The following C3orf70 variants were observed in gnomAD, a reference collection of about 807,000 sequenced individuals.
C3orf70 encodes the protein chromosome 3 open reading frame 70.
Under a neutral mutation model 20.7 loss-of-function variants are expected in C3orf70, and 15 were observed. The ratio of observed to expected loss-of-function variants is 0.72; its 90% CI spans 0.48 to 1.11. The LOEUF (loss-of-function observed/expected upper bound fraction) is 1.11, where lower values mean the gene tolerates loss of function less well. Among genes scored for constraint, C3orf70 ranks in the 50% most tolerant of loss-of-function variants. The probability of loss-of-function intolerance (pLI) is 0.00; values close to 1 mark genes in which losing one functional copy is unlikely to be tolerated. For missense variants in C3orf70, 332 were observed against 317.6 expected, an observed-to-expected ratio of 1.05 and a Z score of -0.34; for synonymous variants, 161 against 125.7, an observed-to-expected ratio of 1.28 and a Z score of -1.88.
Position 185,081,845 on chromosome 3 carries a change from T to A in C3orf70, c.*1162A>T, listed in dbSNP as rs1715344724. 6.6e-6 allele frequency: 1 copy of A among 152,640 alleles called. No homozygotes were observed. The highest frequency in any genetic ancestry group is 2.4e-5 in the African/African-American group (1 of 41,444). The allele number at this position is 152,640 out of a possible 1,614,324, so 9.5% of individuals were successfully genotyped here. On this transcript the variant is annotated 3_prime_UTR_variant, in exon 2 of 2. Coordinates refer to ENST00000335012, the MANE Select transcript of C3orf70 (RefSeq NM_001025266.3). ...AACTGCTTTTGCAGCTGCATAAAAA[T>A]CCATGCATCACACTGAATTCTAATC...
chr3:185,080,334 G>T lies in C3orf70; in HGVS notation c.*2673C>A, dbSNP rs6444028. The T allele has an allele frequency of 0.1, 15,800 of 152,644 alleles. 923 individuals carry two copies. The highest frequency in any genetic ancestry group is 0.15 in the African/African-American group (6,346 of 41,516). 9.5% of individuals were successfully genotyped at this position (152,644 alleles called of 1,614,324 possible). On this transcript the variant is annotated 3_prime_UTR_variant, in exon 2 of 2. Coordinates refer to ENST00000335012, the MANE Select transcript of C3orf70 (RefSeq NM_001025266.3). ...GTCTAATCAGAATGGCAGTTCAGGA[G>T]TCTAAAAAAACAGGAACCTAGACAG...
intron 1 of C3orf70, among the ~76,000 whole-genome samples, chr3:185,097,567 C>T (rs1673050439): frequency 6.6e-6 from 1 of 152,186 alleles, no homozygotes; most frequent in Non-Finnish European, 1.5e-5. Flanking sequence ...ACATGTTAAT[C>T]TTAATTCCAG....
chr3:185,083,924 T>C (rs531830259), intron 1 of C3orf70, among the ~76,000 whole-genome samples: 16 of 152,314 alleles, frequency 1.1e-4, no homozygotes, highest in African/African-American at 3.4e-4. Context: ...ATACAAGTTG[T>C]ACAGCCGGGC....
intron 1 of C3orf70, among the ~76,000 whole-genome samples, chr3:185,139,909 T>G (rs1716715966): frequency 6.6e-6 from 1 of 152,162 alleles, no homozygotes; most frequent in South Asian, 2.1e-4. Context: ...ATCTCAAGCT[T>G]GGCAAAGAGT....
intron 1 of C3orf70, among the ~76,000 whole-genome samples, chr3:185,136,005 T>C (rs1394965354): frequency 2.0e-5 from 3 of 152,070 alleles, no homozygotes; most frequent in Non-Finnish European, 4.4e-5. Flanking sequence ...AAAACATTAA[T>C]TAAAAGAGAT....
chr3:185,104,300 CTAT>C (rs955835833), intron 1 of C3orf70, among the ~76,000 whole-genome samples: 25 of 152,238 alleles, frequency 1.6e-4, no homozygotes, highest in African/African-American at 5.5e-4. Context: ...GTCAGAATGG[CTAT>C]TATTAAAAAG....
In C3orf70 at chr3:185,150,246, C is replaced by A. The variant is rs553132213; in HGVS notation, c.196+2382G>T. On this transcript the variant is annotated intron_variant, in intron 1 of 1. Transcript: ENST00000335012. Reference sequence around the variant, plus strand: ...ATTGCTATCAACCTGAAGGGCAGTTCTACCCGCAAGCTTCAGGACTCTATC... The same window carrying A: ...ATTGCTATCAACCTGAAGGGCAGTTATACCCGCAAGCTTCAGGACTCTATC... Among the ~76,000 whole-genome samples the A allele has an allele frequency of 1.2e-4, 19 of 152,324 alleles. No individual in the cohort carries two copies. The East Asian group carries it at 3.7e-3, about 29-fold the overall frequency.
At chr3:185,092,989 CAAAAAAA>C (rs35779843) in intron 1 of C3orf70, among the ~76,000 whole-genome samples, 2 of 129,944 alleles carry the variant, frequency 1.5e-5, no homozygotes, top group East Asian at 4.5e-4. Flanking sequence ...GACTCCATCT[CAAAAAAA>C]AAAAAAAAAA....
Position 185,082,928 on chromosome 3 carries a change from G to A in C3orf70, c.*79C>T. On this transcript the variant is annotated 3_prime_UTR_variant, in exon 2 of 2. Transcript: ENST00000335012. ...GCGGGGTGGGTAGAAAATATCAACA[G>A]CATTGGAAAAAAGGATCCACCAGAC... The A allele has an allele frequency of 7.0e-7, 1 of 1,433,418 alleles. No homozygotes were observed. The highest frequency in any genetic ancestry group is 2.0e-5 in the Admixed American group (1 of 50,830). 88.8% of individuals were successfully genotyped at this position (1,433,418 alleles called of 1,614,324 possible).
rs1164072901 is a variant in C3orf70, at chr3:185,081,840, A to G, written c.*1167T>C. 6.6e-6 allele frequency: 1 copy of G among 152,670 alleles called. No homozygotes were observed. Among genetic ancestry groups the G allele is most frequent in the East Asian group, 1.9e-4 (1 of 5,198 alleles). 9.5% of individuals were successfully genotyped at this position (152,670 alleles called of 1,614,324 possible). A position where few individuals can be genotyped will look rare whatever the true frequency, so the allele number is the denominator to read the frequency against. On this transcript the variant is annotated 3_prime_UTR_variant, in exon 2 of 2. Coordinates refer to ENST00000335012, the MANE Select transcript of C3orf70 (RefSeq NM_001025266.3). The stretch of plus-strand genomic sequence containing the variant: ...ATTTCAACTGCTTTTGCAGCTGCAT[A>G]AAAATCCATGCATCACACTGAATTC...
chr3:185,148,657 T>C (rs1331374682), intron 1 of C3orf70, among the ~76,000 whole-genome samples: 1 of 152,222 alleles, frequency 6.6e-6, no homozygotes, highest in Non-Finnish European at 1.5e-5. Context: ...AAACCTTCAC[T>C]CGTTAATTCA....
At position 185,086,982 on chromosome 3, in the gene C3orf70, A is replaced by G. The variant is rs140332854; in HGVS notation, c.197-3419T>C. Among the ~76,000 whole-genome samples, 107 of 152,298 alleles carry G rather than the reference A, an allele frequency of 7.0e-4. 2 individuals carry two copies. The East Asian group carries it at 0.016, about 23-fold the overall frequency. On this transcript the variant is annotated intron_variant, in intron 1 of 1. Coordinates refer to ENST00000335012, the MANE Select transcript of C3orf70 (RefSeq NM_001025266.3). ...GCTTTGCTCCAGTCCCTGATAACTT[A>G]TATCCCTGGGGTATCCTAGGCCGAG...
chr3:185,087,225 A>G (rs1171114014), intron 1 of C3orf70, among the ~76,000 whole-genome samples: 1 of 152,202 alleles, frequency 6.6e-6, no homozygotes, highest in African/African-American at 2.4e-5. Flanking sequence ...AACTTTTAAA[A>G]CCTAAAGCTC....
chr3:185,148,907 G>C (rs1367795329), intron 1 of C3orf70, among the ~76,000 whole-genome samples: 1 of 152,070 alleles, frequency 6.6e-6, no homozygotes, highest in African/African-American at 2.4e-5. Context: ...ATATTTTTAA[G>C]CTTTTTCTAT....
chr3:185,139,524 G>A (rs1046623899), intron 1 of C3orf70, among the ~76,000 whole-genome samples: 22 of 148,102 alleles, frequency 1.5e-4, no homozygotes, highest in African/African-American at 5.2e-4. Flanking sequence ...CTGCACTCCA[G>A]CCTGGGTGAC....
chr3:185,087,998 G>A (rs62287958), intron 1 of C3orf70, among the ~76,000 whole-genome samples: 17,349 of 149,552 alleles, frequency 0.12, 1,169 homozygotes, highest in Non-Finnish European at 0.15. Flanking sequence ...CGCAACCTCC[G>A]CCTCCTGGGT....
chr3:185,079,288 A>AAAAAAAAAAAAAAT lies in C3orf70; in HGVS notation c.*3718_*3719insATTTTTTTTTTTTT, dbSNP rs1715277177. ...GGAGCGAGACTCTGTCTCAAAAAAA[A>AAAAAAAAAAAAAAT]AAAAAAAAAAAAAAAAGTAAAGCCA... On this transcript the variant is annotated 3_prime_UTR_variant, in exon 2 of 2. Coordinates refer to ENST00000335012, the MANE Select transcript of C3orf70 (RefSeq NM_001025266.3). The AAAAAAAAAAAAAAT allele has an allele frequency of 6.8e-6, 1 of 148,008 alleles. No homozygotes were observed. The highest frequency in any genetic ancestry group is 2.6e-5 in the African/African-American group (1 of 38,886). 9.2% of individuals were successfully genotyped at this position (148,008 alleles called of 1,614,324 possible).
At chr3:185,086,061 A>G (rs1715452511) in intron 1 of C3orf70, among the ~76,000 whole-genome samples, 2 of 152,198 alleles carry the variant, frequency 1.3e-5, no homozygotes, top group African/African-American at 4.8e-5. Context: ...TGTCACAGCC[A>G]CAGGAGGATC....
In C3orf70 at chr3:185,134,125, A is replaced by ATATATATATATATATATATATATATATT. The variant is rs71298570; in HGVS notation, c.196+18502_196+18503insAATATATATATATATATATATATATATA. On this transcript the variant is annotated intron_variant, in intron 1 of 1. Coordinates refer to ENST00000335012, the MANE Select transcript of C3orf70 (RefSeq NM_001025266.3). ...AAGAAAAAAAATACATCATATATAT[A>ATATATATATATATATATATATATATATT]TAGAGGAGATGGATTCAAATGCAGT... Among the ~76,000 whole-genome samples, 93 of 145,898 alleles carry ATATATATATATATATATATATATATATT rather than the reference A, an allele frequency of 6.4e-4. 1 individual carries two copies. Among genetic ancestry groups the ATATATATATATATATATATATATATATT allele is most frequent in the South Asian group, 6.4e-3 (29 of 4,564 alleles).
Sources: allele counts gnomAD v4.1 joint callset (sites outside exome capture counted in the v4.1 genomes callset), GRCh38; gene constraint gnomAD v4.1.1; transcripts MANE v1.5; gene names NCBI Gene and HGNC (gene_info 2026-07-23, HGNC 2026-07-21).